The following PITPNM1 variants were observed in gnomAD, a reference collection of about 807,000 sequenced individuals.
PITPNM1 encodes phosphatidylinositol transfer protein membrane associated 1, also known as membrane-associated phosphatidylinositol transfer protein 1.
A neutral mutation model predicts 133.3 loss-of-function variants in PITPNM1; 74 were observed. The ratio of observed to expected loss-of-function variants is 0.56; its 90% CI spans 0.46 to 0.67. The LOEUF is 0.67. Among genes scored for constraint, PITPNM1 ranks in the 30% least tolerant of loss-of-function variants. The pLI is 0.00. For missense variants in PITPNM1, 1,398 were observed against 1,739.5 expected, an observed-to-expected ratio of 0.80 and a Z score of 3.49; for synonymous variants, 738 against 741.4, an observed-to-expected ratio of 1.00 and a Z score of 0.08.
Position 67,504,136 on chromosome 11 carries a change from G to A in PITPNM1, c.45C>T (p.Asp15=), listed in dbSNP as rs777575604. The A allele has an allele frequency of 2.5e-6, 4 of 1,609,402 alleles. No individual in the cohort carries two copies. Among genetic ancestry groups the A allele is most frequent in the African/African-American group, 2.7e-5 (2 of 74,858 alleles). The change falls in exon 2 of 24, where the codon GAC becomes GAT. Residue 15 remains aspartate (D), a synonymous_variant. Transcript: ENST00000356404. The surrounding 1 kb of genome is among the most constrained non-coding windows in gnomAD (Gnocchi z 5.4). Reference sequence around the variant, plus strand: ...TGTAGAGCTGGGCCACCTGGTACTCGTCCAGGCTCATGGGCAGCAGAATGT... The same window carrying A: ...TGTAGAGCTGGGCCACCTGGTACTCATCCAGGCTCATGGGCAGCAGAATGT... ...EYHILLPMSL[D]EYQVAQLYMI...
At chr11:67,503,951 CCT>C (rs1866411297) in intron 2 of PITPNM1, 150 bp downstream of exon 2, 3 of 564,944 alleles carry the variant, frequency 5.3e-6, no homozygotes, top group Non-Finnish European at 9.3e-6. Flanking sequence ...CCCTCCTGCC[CCT>C]CTTCCCACAG....
In PITPNM1 at chr11:67,500,158, C is replaced by T. The variant is rs148032917; in HGVS notation, c.904G>A (p.Asp302Asn). Residue 302 changes from aspartate (D) to asparagine (N), a missense_variant, in exon 6 of 24, where the codon GAT (aspartate) becomes AAT (asparagine). Coordinates refer to ENST00000356404, the MANE Select transcript of PITPNM1 (RefSeq NM_004910.3). ...GACCACTGCTTCCCAAAGCTGGCAT[C>T]GGGGGAGGCATCTGGGCCTGGGGGG... Reference protein sequence around the residue: ...EAPPGPDASPDASFGKQWSSS... With the variant: ...EAPPGPDASPNASFGKQWSSS... 9,844 of 1,593,948 alleles carry T rather than the reference C, an allele frequency of 6.2e-3. 46 individuals carry two copies. The highest frequency in any genetic ancestry group is 7.2e-3 in the Non-Finnish European group (8,372 of 1,170,080).
In PITPNM1 at chr11:67,502,709, G is replaced by A. The variant is rs139820920; in HGVS notation, c.88C>T (p.Arg30Trp). The change falls in exon 3 of 24, where the codon CGG (arginine) becomes TGG (tryptophan). Residue 30 changes from arginine to tryptophan, a missense_variant. Coordinates refer to ENST00000356404, the MANE Select transcript of PITPNM1 (RefSeq NM_004910.3). The surrounding 1 kb of genome is among the most constrained non-coding windows in gnomAD (Gnocchi z 5.9). ...CTGCCCTCACCACTAGACTCCTCCC[G>A]GCTCTTTTTCTGTGGCCCAAGGGAG... is the stretch of plus-strand genomic sequence containing the variant. ...AQLYMIQKKS[R>W]EESSGEGSGV... is the part of the protein sequence containing the mutation. 1.5e-5 allele frequency: 24 copies of A among 1,612,206 alleles called. 1 individual carries two copies. The highest frequency in any genetic ancestry group is 1.9e-5 in the Non-Finnish European group (22 of 1,179,222).
In PITPNM1 at chr11:67,494,971, G is replaced by C. The variant is rs1866067733; in HGVS notation, c.2632-15C>G. 6.2e-7 allele frequency: 1 copy of C among 1,611,012 alleles called. No individual in the cohort carries two copies. The highest frequency in any genetic ancestry group is 8.5e-7 in the Non-Finnish European group (1 of 1,178,762). On this transcript the variant is annotated splice_polypyrimidine_tract_variant and intron_variant, in intron 17 of 23. Transcript: ENST00000356404. The stretch of plus-strand genomic sequence containing the variant: ...TTCTCGATCACCTGCACGGGACAGG[G>C]GGCGAGGCCTCTGTCTCTTAGGGGA...
chr11:67,493,967 T>TC lies in PITPNM1; in HGVS notation c.2962dup (p.Glu988GlyfsTer232), dbSNP rs749783250. 1.2e-6 allele frequency: 2 copies of TC among 1,610,878 alleles called. No homozygotes were observed. Among genetic ancestry groups the TC allele is most frequent in the South Asian group, 2.2e-5 (2 of 90,786 alleles). On this transcript the variant is annotated frameshift_variant, in exon 20 of 24. Transcript: ENST00000356404. LOFTEE classifies it high-confidence loss of function. ...GTAGACACCAATGCCCAGCGCGCGT[T>TC]CTGGGGGAACTGGGAAGGTGAGGCG... is the stretch of plus-strand genomic sequence containing the variant.
chr11:67,504,267 C>A lies in PITPNM1; in HGVS notation c.-41-46G>T, dbSNP rs1233629490. 44 of 796,582 alleles carry A rather than the reference C, an allele frequency of 5.5e-5. 1 individual carries two copies. The highest frequency in any genetic ancestry group is 4.2e-4 in the Middle Eastern group (1 of 2,364). 49.3% of individuals were successfully genotyped at this position (796,582 alleles called of 1,614,324 possible). On this transcript the variant is annotated intron_variant, in intron 1 of 23. Transcript: ENST00000356404. The surrounding 1 kb of genome is among the most constrained non-coding windows in gnomAD (Gnocchi z 5.4). ...ACAGTCAGTGCGGGGAGGCTGCGCGCGGCCCCGAGCCCTGCGCGCCGGCCG... is the reference window on the plus strand; with the variant it reads ...ACAGTCAGTGCGGGGAGGCTGCGCGAGGCCCCGAGCCCTGCGCGCCGGCCG...
At position 67,497,657 on chromosome 11, in the gene PITPNM1, T is replaced by A; in HGVS notation, c.1805A>T (p.Glu602Val). ...CAGGGGGTCCCGCACTGGGCCAAACTCCGGAGAGAGCAGCTCATTGTTCTG... is the reference window on the plus strand; with the variant it reads ...CAGGGGGTCCCGCACTGGGCCAAACACCGGAGAGAGCAGCTCATTGTTCTG... ...GSMNNELLSP[E>V]FGPVRDPLAD... The change falls in exon 13 of 24, where the codon GAG becomes GTG. Residue 602 changes from glutamate to valine, a missense_variant. Transcript: ENST00000356404. 6.2e-7 allele frequency: 1 copy of A among 1,610,928 alleles called. No individual in the cohort carries two copies. Among genetic ancestry groups the A allele is most frequent in the Middle Eastern group, 1.7e-4 (1 of 6,052 alleles).
intron 22 of PITPNM1, 130 bp downstream of exon 22, chr11:67,493,280 G>A: frequency 1.8e-6 from 2 of 1,129,632 alleles, no homozygotes; most frequent in Non-Finnish European, 1.2e-6. Flanking sequence ...GGACCGTAGC[G>A]GGCCGCTGCA....
At position 67,491,922 on chromosome 11, in the gene PITPNM1, TG is replaced by T; in HGVS notation, c.*110del. ...CACACGGAGATATAGGGTGTGGGGCTGGGGGGGCCAGCGCTGGGGCCAAAAG... is the reference window on the plus strand; with the variant it reads ...CACACGGAGATATAGGGTGTGGGGCTGGGGGGCCAGCGCTGGGGCCAAAAG... On this transcript the variant is annotated 3_prime_UTR_variant, in exon 24 of 24. Transcript: ENST00000356404. 6.4e-5 allele frequency: 78 copies of T among 1,221,616 alleles called. No individual in the cohort carries two copies. The highest frequency in any genetic ancestry group is 7.2e-5 in the Non-Finnish European group (63 of 875,462). 75.7% of individuals were successfully genotyped at this position (1,221,616 alleles called of 1,614,324 possible).
At position 67,498,775 on chromosome 11, in the gene PITPNM1, G is replaced by A. The variant is rs753214182; in HGVS notation, c.1305C>T (p.Ser435=). The A allele has an allele frequency of 2.7e-5, 43 of 1,612,196 alleles. No homozygotes were observed. The highest frequency in any genetic ancestry group is 3.4e-5 in the Non-Finnish European group (40 of 1,179,984). Residue 435 remains serine (S), a synonymous_variant, in exon 10 of 24, where the codon AGC becomes AGT. Transcript: ENST00000356404. The surrounding 1 kb of genome is among the most constrained non-coding windows in gnomAD (Gnocchi z 5.7). ...AVHALFLILH[S]GNILDSGPGD... is the part of the protein sequence containing the mutation. ...CAGGGCCTGAGTCCAGGATGTTGCC[G>A]CTGTGCAGGATAAGGAAGAGGGCGT... is the stretch of plus-strand genomic sequence containing the variant.
intron 12 of PITPNM1, 56 bp from the exon 13 acceptor site, chr11:67,497,735 C>G: frequency 6.3e-7 from 1 of 1,593,464 alleles, no homozygotes; most frequent in Non-Finnish European, 8.5e-7. Flanking sequence ...TCGAATTCTA[C>G]TTACTTAGAA....
intron 14 of PITPNM1, 39 bp from the exon 15 acceptor site, chr11:67,496,387 G>A: frequency 6.5e-7 from 1 of 1,545,516 alleles, no homozygotes; most frequent in Non-Finnish European, 8.6e-7. Flanking sequence ...TGGGGTCAGG[G>A]TTTCAGCTGG....
rs768340461 is a variant in PITPNM1 at position 67,495,523 on chromosome 11, G to A, written c.2397C>T (p.Ser799=). 93 of 1,587,428 alleles carry A rather than the reference G, an allele frequency of 5.9e-5. 1 individual carries two copies. The highest frequency in any genetic ancestry group is 7.2e-5 in the Non-Finnish European group (84 of 1,169,596). The change falls in exon 16 of 24, where the codon AGC becomes AGT. Residue 799 remains serine, a synonymous_variant. Coordinates refer to ENST00000356404, the MANE Select transcript of PITPNM1 (RefSeq NM_004910.3). ...MLVPSTPTST[S]GAFWKGSELA... is the part of the protein sequence containing the mutation. ...ACTCACTGCCCTTCCAGAAGGCACC[G>A]CTAGTAGAGGTGGGTGTTGAGGGCA...
rs1243329737 is a variant in PITPNM1, at chr11:67,502,250, C to T, written c.415+42G>A. ...GCTGCCCACTGAGGCAGCCAGGAGC[C>T]TGAGAGGGGCGCCAGGGTCCCCCCA... On this transcript the variant is annotated intron_variant, in intron 4 of 23. Coordinates refer to ENST00000356404, the MANE Select transcript of PITPNM1 (RefSeq NM_004910.3). The surrounding 1 kb of genome is among the most constrained non-coding windows in gnomAD (Gnocchi z 5.9). 1 of 1,601,610 alleles carries T rather than the reference C, an allele frequency of 6.2e-7. No individual in the cohort carries two copies. Among genetic ancestry groups the T allele is most frequent in the Non-Finnish European group, 8.5e-7 (1 of 1,174,214 alleles).
chr11:67,500,617 C>A (rs575370769), intron 5 of PITPNM1, among the ~76,000 whole-genome samples, 196 bp from the exon 6 acceptor site: 2 of 152,240 alleles, frequency 1.3e-5, no homozygotes, highest in Non-Finnish European at 2.9e-5. Context: ...GACTCCCCCC[C>A]GCCCACTGCC....
rs560518491 is a variant in PITPNM1 at position 67,497,392 on chromosome 11, C to T, written c.1985G>A (p.Arg662Gln). The T allele has an allele frequency of 2.1e-5, 34 of 1,590,530 alleles. No individual in the cohort carries two copies. The highest frequency in any genetic ancestry group is 1.5e-4 in the South Asian group (13 of 89,176). Reference protein sequence around the residue: ...PATTSSWEPRRASTAFCPPAA... With the variant: ...PATTSSWEPRQASTAFCPPAA... ...GGGTGGGCAGAAGGCCGTGCTTGCCCGCCGGGGCTCCCAGGAGGAGGTGGT... is the reference window on the plus strand; with the variant it reads ...GGGTGGGCAGAAGGCCGTGCTTGCCTGCCGGGGCTCCCAGGAGGAGGTGGT... The change falls in exon 14 of 24, where the codon CGG (arginine) becomes CAG (glutamine). Residue 662 changes from arginine to glutamine, a missense_variant. Arg to Gln is a conservative substitution (Grantham distance 43). Coordinates refer to ENST00000356404, the MANE Select transcript of PITPNM1 (RefSeq NM_004910.3).
At chr11:67,495,387 A>G (rs755339152) in intron 16 of PITPNM1, 51 bp downstream of exon 16, 38 of 1,460,342 alleles carry the variant, frequency 2.6e-5, no homozygotes, top group Non-Finnish European at 3.1e-5. Context: ...CGGAGGTGGA[A>G]TACGGGCCTC....
In PITPNM1 at chr11:67,495,031, C is replaced by G. The variant is rs532952117; in HGVS notation, c.2631+46G>C. 1.9e-6 allele frequency: 3 copies of G among 1,609,176 alleles called. No homozygotes were observed. In the East Asian group the frequency reaches 6.7e-5, roughly 36 times the overall value. On this transcript the variant is annotated intron_variant, in intron 17 of 23. Transcript: ENST00000356404. ...GCCCCTCCCCCGGCCCAAAGCAGCC[C>G]ATCCCCGTCCCATTCTCATCTCCCA...
intron 5 of PITPNM1, among the ~76,000 whole-genome samples, chr11:67,501,016 A>AT (rs1866305989): frequency 6.6e-6 from 1 of 152,196 alleles, no homozygotes; most frequent in Non-Finnish European, 1.5e-5. Flanking sequence ...GCTTTTTGGC[A>AT]TTTTTCCAAA....
Sources: allele counts gnomAD v4.1 joint callset (sites outside exome capture counted in the v4.1 genomes callset), GRCh38; gene constraint gnomAD v4.1.1; non-coding constraint Gnocchi (gnomAD v3.1); transcripts MANE v1.5; gene names NCBI Gene and HGNC (gene_info 2026-07-23, HGNC 2026-07-21).